CR1L: variants seen among roughly 807,000 people sequenced by gnomAD.
CR1L encodes complement component receptor 1-like protein.
Under a neutral mutation model 62.3 loss-of-function variants are expected in CR1L, and 59 were observed. The ratio of observed to expected loss-of-function variants is 0.95; its 90% CI spans 0.77 to 1.18. The LOEUF is 1.18. Among genes scored for constraint, CR1L ranks in the 50% most tolerant of loss-of-function variants. CR1L has a pLI of 0.00. For missense variants in CR1L, 700 were observed against 702.8 expected, an observed-to-expected ratio of 1.00 and a Z score of 0.04; for synonymous variants, 279 against 248.7, an observed-to-expected ratio of 1.12 and a Z score of -1.15.
chr1:207,715,209 A>G (rs1653965855), intron 10 of CR1L: 1 of 665,862 alleles, frequency 1.5e-6, no homozygotes, highest in Non-Finnish European at 2.7e-6. Context: ...AATGATAGTC[A>G]AGGAGGAAAT....
At chr1:207,718,237 G>C (rs1206188432) in intron 11 of CR1L, among the ~76,000 whole-genome samples, 1 of 152,122 alleles carries the variant, frequency 6.6e-6, no homozygotes, top group African/African-American at 2.4e-5. Flanking sequence ...GGGAACTCGG[G>C]AGGCCCTGGA....
chr1:207,722,514 G>A (rs993508480), intron 11 of CR1L, among the ~76,000 whole-genome samples: 28 of 149,998 alleles, frequency 1.9e-4, no homozygotes, highest in Admixed American at 5.4e-4. Context: ...GATATGCGGC[G>A]TTATTTCTGA....
At chr1:207,717,207 CA>C (rs779009944) in intron 10 of CR1L, among the ~76,000 whole-genome samples, 3 of 152,150 alleles carry the variant, frequency 2.0e-5, no homozygotes, top group Admixed American at 1.3e-4. Flanking sequence ...AATTACTTTC[CA>C]AATTCATTAT....
Position 207,645,287 on chromosome 1 carries a change from G to C in CR1L, c.54G>C (p.Gly18=), listed in dbSNP as rs753930141. 1.2e-6 allele frequency: 2 copies of C among 1,613,934 alleles called. No individual in the cohort carries two copies. Among genetic ancestry groups the C allele is most frequent in the East Asian group, 2.2e-5 (1 of 44,872 alleles). The change falls in exon 1 of 12, where the codon GGG becomes GGC. Residue 18 remains glycine (G), a synonymous_variant. Coordinates refer to ENST00000508064, the MANE Select transcript of CR1L (RefSeq NM_175710.2). ...ERPFPSRRFP[G]LLLAALVLLL... Reference sequence around the variant, plus strand: ...CCTTTCCTTCCCGGCGCTTTCCTGGGTTGCTTCTGGCGGCCCTGGTGTTGC... The same window carrying C: ...CCTTTCCTTCCCGGCGCTTTCCTGGCTTGCTTCTGGCGGCCCTGGTGTTGC...
At chr1:207,687,079 G>A (rs915971110) in intron 4 of CR1L, among the ~76,000 whole-genome samples, 9 of 152,096 alleles carry the variant, frequency 5.9e-5, no homozygotes, top group African/African-American at 1.7e-4. Flanking sequence ...AATTAATTCC[G>A]GAACACTTTC....
At chr1:207,707,672 T>G (rs1664288606) in intron 9 of CR1L, among the ~76,000 whole-genome samples, 1 of 152,074 alleles carries the variant, frequency 6.6e-6, no homozygotes, top group Admixed American at 6.6e-5. Flanking sequence ...TATAATTTAT[T>G]TCAATCCATT....
At chr1:207,691,192 A>T (rs1315387147) in intron 4 of CR1L, among the ~76,000 whole-genome samples, 1 of 152,246 alleles carries the variant, frequency 6.6e-6, no homozygotes, top group Middle Eastern at 3.4e-3. Context: ...CATTTGTTAA[A>T]TTTTTTGTTT....
chr1:207,720,581 G>T (rs1654112841), intron 11 of CR1L, among the ~76,000 whole-genome samples: 1 of 152,136 alleles, frequency 6.6e-6, no homozygotes, highest in African/African-American at 2.4e-5. Context: ...CCATTTCAAT[G>T]GCCCAGTTAC....
At chr1:207,715,843 A>G (rs1653986227) in intron 10 of CR1L, among the ~76,000 whole-genome samples, 1 of 152,046 alleles carries the variant, frequency 6.6e-6, no homozygotes, top group African/African-American at 2.4e-5. Context: ...CTACAGGTGC[A>G]TGCCACCACA....
At chr1:207,693,097 A>G (rs1209119419) in intron 4 of CR1L, among the ~76,000 whole-genome samples, 1 of 152,202 alleles carries the variant, frequency 6.6e-6, no homozygotes, top group East Asian at 1.9e-4. Context: ...TAGATTTTTT[A>G]CAATATTACT....
chr1:207,721,709 T>C (rs1654140086), intron 11 of CR1L, among the ~76,000 whole-genome samples: 1 of 151,552 alleles, frequency 6.6e-6, no homozygotes, highest in Non-Finnish European at 1.5e-5. Flanking sequence ...ATATACCCAG[T>C]AATGGGATGG....
chr1:207,697,825 C>T lies in CR1L; in HGVS notation c.1094C>T (p.Pro365Leu). The T allele has an allele frequency of 6.2e-7, 1 of 1,613,962 alleles. No individual in the cohort carries two copies. Among genetic ancestry groups the T allele is most frequent in the Non-Finnish European group, 8.5e-7 (1 of 1,179,896 alleles). Residue 365 changes from proline to leucine, a missense_variant, in exon 7 of 12, where the codon CCA (proline) becomes CTA (leucine). Pro to Leu is a moderately conservative substitution (Grantham distance 98). Coordinates refer to ENST00000508064, the MANE Select transcript of CR1L (RefSeq NM_175710.2). ...CTTCCTAATGGCCATGTGCTATTTCCACTTAATCTCCAGCTTGGAGCAAAA... is the reference window on the plus strand; with the variant it reads ...CTTCCTAATGGCCATGTGCTATTTCTACTTAATCTCCAGCTTGGAGCAAAA... ...GQLPNGHVLF[P>L]LNLQLGAKVD... is the part of the protein sequence containing the mutation.
At chr1:207,712,303 A>G (rs1337990434) in intron 10 of CR1L, among the ~76,000 whole-genome samples, 9 of 152,380 alleles carry the variant, frequency 5.9e-5, no homozygotes, top group African/African-American at 2.2e-4. Flanking sequence ...AAATATGTAG[A>G]TGGAGAATCC....
At chr1:207,701,407 AAC>A in intron 8 of CR1L, 110 bp from the exon 9 acceptor site, 2 of 1,379,142 alleles carry the variant, frequency 1.5e-6, no homozygotes, top group Non-Finnish European at 2.0e-6. Flanking sequence ...AAATCTGTGG[AAC>A]TATCAGAACT....
At chr1:207,702,747 CA>C in intron 9 of CR1L, among the ~76,000 whole-genome samples, 1 of 152,300 alleles carries the variant, frequency 6.6e-6, no homozygotes, top group South Asian at 2.1e-4. Flanking sequence ...TAACTCTCTT[CA>C]ATTCTGTGAA....
chr1:207,663,426 C>A (rs1437873409), intron 1 of CR1L, among the ~76,000 whole-genome samples: 1 of 152,212 alleles, frequency 6.6e-6, no homozygotes, highest in Non-Finnish European at 1.5e-5. Context: ...ACTCCGTGGG[C>A]GTAGGACCCT....
chr1:207,645,952 G>A (rs986675416), intron 1 of CR1L, among the ~76,000 whole-genome samples: 3 of 152,148 alleles, frequency 2.0e-5, no homozygotes, highest in African/African-American at 7.2e-5. Flanking sequence ...TGCTTTGAGT[G>A]GAGCGAGCGC....
intron 4 of CR1L, among the ~76,000 whole-genome samples, chr1:207,687,847 G>A (rs1384465449): frequency 6.6e-6 from 1 of 152,116 alleles, no homozygotes; most frequent in African/African-American, 2.4e-5. Flanking sequence ...TAACACAAAT[G>A]TTGTCTTTCA....
intron 1 of CR1L, among the ~76,000 whole-genome samples, chr1:207,663,501 A>G (rs1486903224): frequency 6.6e-6 from 1 of 152,200 alleles, no homozygotes; most frequent in Admixed American, 6.5e-5. Context: ...AAAGCACAGT[A>G]TTAGGGTGGG....
Sources: allele counts gnomAD v4.1 joint callset (sites outside exome capture counted in the v4.1 genomes callset), GRCh38; gene constraint gnomAD v4.1.1; transcripts MANE v1.5; gene names NCBI Gene and HGNC (gene_info 2026-07-23, HGNC 2026-07-21).